Variants in MAP3K9 observed in about 807,000 individuals in gnomAD.
The protein encoded by MAP3K9 is mixed lineage kinase 1 (tyr and ser/thr specificity).
A neutral mutation model predicts 95.8 loss-of-function variants in MAP3K9; 46 were observed. The observed-to-expected ratio is 0.48, with a 90% CI of 0.38 to 0.61. The LOEUF (loss-of-function observed/expected upper bound fraction) is 0.61, where lower values mean the gene tolerates loss of function less well. Ranked by LOEUF, MAP3K9 falls within the 20% of genes least tolerant of loss-of-function variation. MAP3K9 has a pLI of 0.00. For missense variants in MAP3K9, 1,296 were observed against 1,474.3 expected (o/e 0.88, Z 1.98); for synonymous variants, 533 against 593.8 (o/e 0.90, Z 1.49).
intron 6 of MAP3K9, among the ~76,000 whole-genome samples, chr14:70,741,161 G>A (rs8008802): frequency 0.3 from 45,893 of 151,774 alleles, 7,178 homozygotes; most frequent in Admixed American, 0.34. Flanking sequence ...CGCAATCTCC[G>A]CTTACTGCAA....
At chr14:70,794,603 T>A (rs1271573199) in intron 2 of MAP3K9, among the ~76,000 whole-genome samples, 1 of 152,032 alleles carries the variant, frequency 6.6e-6, no homozygotes, top group Non-Finnish European at 1.5e-5. Flanking sequence ...AAAATAAACA[T>A]GCAAAAATGC....
intron 7 of MAP3K9, chr14:70,739,786 A>C (rs2054041840): frequency 8.4e-7 from 1 of 1,192,392 alleles, no homozygotes; most frequent in Non-Finnish European, 1.1e-6. Context: ...CAAACCACTA[A>C]AGATCCCATT....
rs776665738 is a variant in MAP3K9, at chr14:70,730,696, T to G, written c.2999A>C (p.Asn1000Thr). Residue 1000 changes from asparagine (N) to threonine (T), a missense_variant, in exon 12 of 12, where the codon AAC becomes ACC. Transcript: ENST00000554752. ...EFLPRPRPSA[N>T]RQRLDPWWFV... ...CCACCAAGGGTCCAGCCGTTGCCGG[T>G]TGGCAGAAGGACGCGGCCGAGGCAG... The G allele has an allele frequency of 1.2e-6, 2 of 1,613,686 alleles. No individual in the cohort carries two copies. Among genetic ancestry groups the G allele is most frequent in the East Asian group, 2.2e-5 (1 of 44,886 alleles).
At position 70,729,358 on chromosome 14, in the gene MAP3K9, T is replaced by A. The variant is rs1046421156; in HGVS notation, c.*1022A>T. 1.3e-5 allele frequency: 2 copies of A among 152,240 alleles called. No homozygotes were observed. Among genetic ancestry groups the A allele is most frequent in the Non-Finnish European group, 2.9e-5 (2 of 68,072 alleles). 9.4% of individuals were successfully genotyped at this position (152,240 alleles called of 1,614,324 possible). On this transcript the variant is annotated 3_prime_UTR_variant, in exon 12 of 12. Coordinates refer to ENST00000554752, the MANE Select transcript of MAP3K9 (RefSeq NM_001284230.2). Reference sequence around the variant, plus strand: ...TAGCTGTTCTAGGGCATTGCGGTGATATCTACTAACCAAACATAACCAAAA... The same window carrying A: ...TAGCTGTTCTAGGGCATTGCGGTGAAATCTACTAACCAAACATAACCAAAA...
chr14:70,741,973 T>C (rs1449858396), intron 6 of MAP3K9, among the ~76,000 whole-genome samples: 1 of 152,130 alleles, frequency 6.6e-6, no homozygotes, highest in Non-Finnish European at 1.5e-5. Context: ...TGAGACAAGT[T>C]ATTTTGCAGA....
At position 70,809,189 on chromosome 14, in the gene MAP3K9, G is replaced by A; in HGVS notation, c.-18C>T. The A allele has an allele frequency of 7.5e-7, 1 of 1,328,824 alleles. No homozygotes were observed. Among genetic ancestry groups the A allele is most frequent in the Non-Finnish European group, 9.5e-7 (1 of 1,047,134 alleles). The allele number at this position is 1,328,824 out of a possible 1,614,324, so 82.3% of individuals were successfully genotyped here. ...GGCTCCATGGAGCGGCCGATCCATA[G>A]GGTGCGGGGCCGCCGCCGCCCGCAG... On this transcript the variant is annotated 5_prime_UTR_variant, in exon 1 of 12. Coordinates refer to ENST00000554752, the MANE Select transcript of MAP3K9 (RefSeq NM_001284230.2).
chr14:70,771,050 C>CT (rs1228398593), intron 2 of MAP3K9, among the ~76,000 whole-genome samples: 2,071 of 144,724 alleles, frequency 0.014, 58 homozygotes, highest in African/African-American at 0.048. Flanking sequence ...AAAGGGATTG[C>CT]TTTTTTTTTT....
intron 2 of MAP3K9, among the ~76,000 whole-genome samples, chr14:70,784,459 G>C (rs2054722371): frequency 6.6e-6 from 1 of 151,682 alleles, no homozygotes; most frequent in Admixed American, 6.6e-5. Context: ...AAGCAAAGCT[G>C]AAGCCGGGCA....
chr14:70,750,842 A>C (rs1167179960), intron 3 of MAP3K9, among the ~76,000 whole-genome samples: 1 of 152,166 alleles, frequency 6.6e-6, no homozygotes, highest in Non-Finnish European at 1.5e-5. Flanking sequence ...TCCCAAGTAT[A>C]ATTTTTTTTC....
chr14:70,738,471 AC>A, intron 7 of MAP3K9, 73 bp from the exon 8 acceptor site: 13 of 1,308,782 alleles, frequency 9.9e-6, no homozygotes, highest in Non-Finnish European at 1.3e-5. Flanking sequence ...CCTCTATACC[AC>A]CACACACACA....
intron 2 of MAP3K9, among the ~76,000 whole-genome samples, chr14:70,800,205 A>G (rs11624934): frequency 0.3 from 45,500 of 152,108 alleles, 7,090 homozygotes; most frequent in Admixed American, 0.34. Flanking sequence ...CACAGTTTAA[A>G]GAATAGCATT....
At chr14:70,777,904 C>G (rs935435492) in intron 2 of MAP3K9, among the ~76,000 whole-genome samples, 4 of 152,174 alleles carry the variant, frequency 2.6e-5, no homozygotes, top group African/African-American at 9.7e-5. Context: ...CCAGCCAACA[C>G]GCATGCCTGA....
At chr14:70,733,639 T>C in intron 10 of MAP3K9, 1 of 689,598 alleles carries the variant, frequency 1.5e-6, no homozygotes, top group Non-Finnish European at 2.7e-6. Flanking sequence ...GGGTATCCAC[T>C]TGACTGGACT....
In MAP3K9 at chr14:70,723,947, G is replaced by A. The variant is rs957598865; in HGVS notation, c.*6433C>T. 1 of 152,134 alleles carries A rather than the reference G, an allele frequency of 6.6e-6. No individual in the cohort carries two copies. The highest frequency in any genetic ancestry group is 2.4e-5 in the African/African-American group (1 of 41,340). The allele number at this position is 152,134 out of a possible 1,614,324, so 9.4% of individuals were successfully genotyped here. ...CGATGAGAATGAAATAAAGATGACA[G>A]AGGATGAGGAGGGTGGTGGAAACGA... On this transcript the variant is annotated 3_prime_UTR_variant, in exon 12 of 12. Transcript: ENST00000554752.
chr14:70,809,427 G>C lies in MAP3K9; in HGVS notation c.-256C>G, dbSNP rs1343412232. The C allele has an allele frequency of 6.0e-6, 2 of 332,688 alleles. No homozygotes were observed. The highest frequency in any genetic ancestry group is 8.3e-4 in the Middle Eastern group (1 of 1,212). 20.6% of individuals were successfully genotyped at this position (332,688 alleles called of 1,614,324 possible). A position where few individuals can be genotyped will look rare whatever the true frequency, so the allele number is the denominator to read the frequency against. On this transcript the variant is annotated 5_prime_UTR_variant, in exon 1 of 12. Coordinates refer to ENST00000554752, the MANE Select transcript of MAP3K9 (RefSeq NM_001284230.2). ...TCCCCGCCTGCCCGCTCGCCCCCCC[G>C]GGGGCGGCCTCGTCACCTCTGCCGC...
intron 2 of MAP3K9, among the ~76,000 whole-genome samples, chr14:70,761,750 C>CT (rs901366420): frequency 1.5e-4 from 23 of 152,040 alleles, no homozygotes; most frequent in East Asian, 5.8e-4. Flanking sequence ...TTTTGTAGAC[C>CT]TTTTTTTTGG....
At chr14:70,761,936 C>T (rs1287842838) in intron 2 of MAP3K9, among the ~76,000 whole-genome samples, 2 of 152,004 alleles carry the variant, frequency 1.3e-5, no homozygotes, top group Admixed American at 1.3e-4. Flanking sequence ...CCTCCCAAAC[C>T]TTAGCAATCA....
chr14:70,801,339 A>G (rs1477392517), intron 1 of MAP3K9, among the ~76,000 whole-genome samples: 1 of 152,232 alleles, frequency 6.6e-6, no homozygotes, highest in Non-Finnish European at 1.5e-5. Context: ...AAAATCATGC[A>G]GAATCCTGTA....
At chr14:70,751,684 A>C (rs2054230292) in intron 3 of MAP3K9, among the ~76,000 whole-genome samples, 1 of 152,190 alleles carries the variant, frequency 6.6e-6, no homozygotes, top group Non-Finnish European at 1.5e-5. Flanking sequence ...ACGCCACTGC[A>C]CTCTAGCCTG....
Sources: gnomAD v4.1 joint callset for allele counts (sites outside exome capture counted in the v4.1 genomes callset) on GRCh38, gnomAD v4.1.1 for gene constraint, MANE v1.5 for transcripts, NCBI Gene and HGNC (gene_info 2026-07-23, HGNC 2026-07-21) for gene names.